ITSN1: variants seen among roughly 807,000 people sequenced by gnomAD.
ITSN1 encodes the protein intersectin 1.
ITSN1 carries 58 observed loss-of-function variants against 239.8 expected under a neutral mutation model. The observed-to-expected ratio is 0.24, with a 90% CI of 0.20 to 0.30. ITSN1 has a LOEUF of 0.30. Among genes scored for constraint, ITSN1 ranks in the 10% least tolerant of loss-of-function variants. The pLI, the probability that ITSN1 is intolerant of heterozygous loss-of-function variation, is 1.00. For missense variants in ITSN1, 1,558 were observed against 2,103.3 expected, an observed-to-expected ratio of 0.74 and a Z score of 5.07; for synonymous variants, 780 against 770.8, an observed-to-expected ratio of 1.01 and a Z score of -0.20.
chr21:33,841,034 A>G (rs1332230294), intron 29 of ITSN1, among the ~76,000 whole-genome samples: 1 of 152,198 alleles, frequency 6.6e-6, no homozygotes, highest in African/African-American at 2.4e-5. Context: ...GAGTTCCCCA[A>G]GTGGCCCAGG....
chr21:33,730,286 G>GA (rs796672322), intron 4 of ITSN1, among the ~76,000 whole-genome samples: 2 of 149,416 alleles, frequency 1.3e-5, no homozygotes, highest in African/African-American at 4.9e-5. Flanking sequence ...ATTTTTGTTG[G>GA]AAAAAAGCAG....
chr21:33,876,118 T>A (rs759015423), intron 34 of ITSN1, among the ~76,000 whole-genome samples: 1 of 16,122 alleles, frequency 6.2e-5, no homozygotes, highest in Non-Finnish European at 1.1e-4. Context: ...TCTTTCTTTC[T>A]TTCTTTCTTT....
Position 33,761,935 on chromosome 21 carries a change from G to C in ITSN1, c.737G>C (p.Arg246Thr), listed in dbSNP as rs1227567678. The change falls in exon 9 of 40, where the codon AGA (arginine) becomes ACA (threonine). Residue 246 changes from arginine to threonine, a missense_variant. Around this residue, in one of 2 missense-constraint regions of ITSN1, gnomAD observed 982 missense variants for 1,209.9 expected, o/e 0.81. Coordinates refer to ENST00000381318, the MANE Select transcript of ITSN1 (RefSeq NM_003024.3). ...MSGHLTGPQA[R>T]TILMQSSLPQ... ...GGTTCCTGTTTAGGTCCCCAAGCAA[G>C]AACTATTCTTATGCAGTCAAGTTTA... is the stretch of plus-strand genomic sequence containing the variant. 6.2e-7 allele frequency: 1 copy of C among 1,613,540 alleles called. No homozygotes were observed. The highest frequency in any genetic ancestry group is 2.2e-5 in the East Asian group (1 of 44,864).
At chr21:33,794,614 G>C (rs544843066) in intron 17 of ITSN1, 146 bp downstream of exon 17, 1 of 1,122,504 alleles carries the variant, frequency 8.9e-7, no homozygotes, top group African/African-American at 1.6e-5. Context: ...ACACAAACAC[G>C]TGTATATATG....
At chr21:33,800,088 T>C (rs2071864313) in intron 19 of ITSN1, among the ~76,000 whole-genome samples, 159 bp downstream of exon 19, 1 of 152,210 alleles carries the variant, frequency 6.6e-6, no homozygotes, top group South Asian at 2.1e-4. Context: ...CTTTCTTTTC[T>C]ATTAAAATGA....
At chr21:33,734,875 C>A (rs767783262) in intron 4 of ITSN1, among the ~76,000 whole-genome samples, 169 bp from the exon 5 acceptor site, 1 of 152,078 alleles carries the variant, frequency 6.6e-6, no homozygotes, top group Non-Finnish European at 1.5e-5. Flanking sequence ...TAAAACTTGG[C>A]CAGTATTTAC....
At chr21:33,694,756 T>C (rs1272297996) in intron 1 of ITSN1, among the ~76,000 whole-genome samples, 1 of 152,030 alleles carries the variant, frequency 6.6e-6, no homozygotes, top group Non-Finnish European at 1.5e-5. Context: ...GAGGCGGAGA[T>C]TGCAGTGAGC....
intron 1 of ITSN1, among the ~76,000 whole-genome samples, chr21:33,705,372 A>G (rs2092209828): frequency 6.6e-6 from 1 of 152,144 alleles, no homozygotes. Context: ...CTCAAAAATT[A>G]AAACCTACAT....
chr21:33,770,166 C>A (rs891493927), intron 11 of ITSN1, among the ~76,000 whole-genome samples: 1 of 152,004 alleles, frequency 6.6e-6, no homozygotes, highest in Non-Finnish European at 1.5e-5. Context: ...CGGGTTCAAG[C>A]GATTCTTCTG....
At chr21:33,656,813 C>T (rs1601464717) in intron 1 of ITSN1, among the ~76,000 whole-genome samples, 1 of 152,188 alleles carries the variant, frequency 6.6e-6, no homozygotes, top group African/African-American at 2.4e-5. Flanking sequence ...CAGGTTCAAG[C>T]AATTCTCCTG....
chr21:33,811,253 T>C, intron 21 of ITSN1, 31 bp downstream of exon 21: 2 of 1,533,332 alleles, frequency 1.3e-6, no homozygotes, highest in Non-Finnish European at 1.8e-6. Context: ...TCTGATGATT[T>C]TTGAAATCCC....
chr21:33,754,208 G>A (rs904756799), intron 7 of ITSN1: 16 of 152,218 alleles, frequency 1.1e-4, no homozygotes, highest in Admixed American at 3.3e-4. Flanking sequence ...AGTACCCACA[G>A]CAGAATAGAT....
chr21:33,681,832 G>A (rs972551422), intron 1 of ITSN1, among the ~76,000 whole-genome samples: 37 of 151,402 alleles, frequency 2.4e-4, no homozygotes, highest in Middle Eastern at 3.4e-3. Context: ...CACTATGCCC[G>A]GCTAATTTTT....
intron 1 of ITSN1, among the ~76,000 whole-genome samples, chr21:33,655,409 C>T (rs957726678): frequency 1.3e-5 from 2 of 151,832 alleles, no homozygotes; most frequent in Non-Finnish European, 2.9e-5. Flanking sequence ...AAGTGTGTAG[C>T]CACTGAAACA....
chr21:33,739,409 C>A (rs536316466), intron 5 of ITSN1, among the ~76,000 whole-genome samples: 1 of 152,156 alleles, frequency 6.6e-6, no homozygotes, highest in South Asian at 2.1e-4. Context: ...TGGATTAAAC[C>A]AGTGTTTTGT....
chr21:33,724,276 T>C (rs913580663), intron 4 of ITSN1, among the ~76,000 whole-genome samples: 4 of 152,220 alleles, frequency 2.6e-5, no homozygotes, highest in African/African-American at 4.8e-5. Context: ...TTCTAACTTC[T>C]GATCTATTAG....
rs559254264 is a variant in ITSN1 at position 33,889,150 on chromosome 21, T to C, written c.*850T>C. On this transcript the variant is annotated 3_prime_UTR_variant, in exon 40 of 40. Transcript: ENST00000381318. ...GGTTGGCAGCCATGTTGGAAAAATC[T>C]CTTTTGGCTCGGAGGCCTGTGATAT... The C allele has an allele frequency of 1.6e-4, 25 of 152,218 alleles. No individual in the cohort carries two copies. Among genetic ancestry groups the C allele is most frequent in the African/African-American group, 5.8e-4 (24 of 41,502 alleles). 9.4% of individuals were successfully genotyped at this position (152,218 alleles called of 1,614,324 possible). A position where few individuals can be genotyped will look rare whatever the true frequency, so the allele number is the denominator to read the frequency against.
rs1209704617 is a variant in ITSN1, at chr21:33,834,352, G to A, written c.3397G>A (p.Val1133Ile). The change falls in exon 28 of 40, where the codon GTA (valine) becomes ATA (isoleucine). Residue 1133 changes from valine to isoleucine, a missense_variant. Around this residue, in one of 2 missense-constraint regions of ITSN1, gnomAD observed 576 missense variants for 893.3 expected, o/e 0.64. Transcript: ENST00000381318. ...GATAGGCTGGTTCCCAGCTAATTAT[G>A]TAAAGCTTCTAAGCCCTGGGACGAG... ...RQIGWFPANY[V>I]KLLSPGTSKI... The A allele has an allele frequency of 2.5e-6, 4 of 1,614,070 alleles. No individual in the cohort carries two copies. Among genetic ancestry groups the A allele is most frequent in the Middle Eastern group, 3.3e-4 (2 of 6,084 alleles).
chr21:33,731,878 A>G (rs1393675869), intron 4 of ITSN1, among the ~76,000 whole-genome samples: 2 of 152,208 alleles, frequency 1.3e-5, no homozygotes, highest in Admixed American at 6.5e-5. Context: ...TGAGTCACCA[A>G]TGGCCTGTGA....
Sources: allele counts gnomAD v4.1 joint callset (sites outside exome capture counted in the v4.1 genomes callset), GRCh38; gene constraint gnomAD v4.1.1; regional missense constraint gnomAD v4.1.1; transcripts MANE v1.5; gene names NCBI Gene and HGNC (gene_info 2026-07-23, HGNC 2026-07-21).